The following RETREG1 variants were observed in gnomAD, a reference collection of about 807,000 sequenced individuals.
The protein encoded by RETREG1 is family with sequence similarity 134 member B.
In RETREG1, 44 loss-of-function variants were observed where a neutral mutation model predicts 54.8. The observed-to-expected ratio is 0.80, with a 90% CI of 0.63 to 1.03. The LOEUF (loss-of-function observed/expected upper bound fraction) is 1.03. Ranked by LOEUF, RETREG1 falls within the 50% of genes least tolerant of loss-of-function variation. The probability of loss-of-function intolerance (pLI) is 0.00; values close to 1 mark genes in which losing one functional copy is unlikely to be tolerated. For missense variants in RETREG1, 554 were observed against 605.1 expected (o/e 0.92, Z 0.89); for synonymous variants, 217 against 238.5 (o/e 0.91, Z 0.83).
chr5:16,523,533 T>C (rs1263538977), intron 3 of RETREG1, among the ~76,000 whole-genome samples: 2 of 152,078 alleles, frequency 1.3e-5, no homozygotes, highest in African/African-American at 4.8e-5. Flanking sequence ...GCTCACGATG[T>C]CCAAATGGCA....
intron 3 of RETREG1, among the ~76,000 whole-genome samples, chr5:16,492,868 T>C (rs1739304479): frequency 6.6e-6 from 1 of 152,198 alleles, no homozygotes; most frequent in Non-Finnish European, 1.5e-5. Flanking sequence ...ATAAGATTTG[T>C]CAACTAGAGG....
At chr5:16,523,144 T>A (rs406758) in intron 3 of RETREG1, among the ~76,000 whole-genome samples, 40,295 of 152,020 alleles carry the variant, frequency 0.27, 5,574 homozygotes, top group East Asian at 0.4. Context: ...TTCCCCCTGT[T>A]AATATTTTAC....
In RETREG1 at chr5:16,611,420, AC is replaced by A. The variant is rs369266738; in HGVS notation, c.320+5231del. On this transcript the variant is annotated intron_variant, in intron 1 of 8. Transcript: ENST00000306320. ...AATAAAAAAAAAAATCACATCAGAG[AC>A]GCTTTCTAGGCTGCAGATGTAACAT... Among the ~76,000 whole-genome samples the A allele has an allele frequency of 5.1e-3, 784 of 152,286 alleles. 3 individuals carry two copies. Among genetic ancestry groups the A allele is most frequent in the African/African-American group, 0.018 (737 of 41,556 alleles).
rs150070991 is a variant in RETREG1, at chr5:16,504,257, G to A, written c.459-20785C>T. Among the ~76,000 whole-genome samples, 804 of 152,272 alleles carry A rather than the reference G, an allele frequency of 5.3e-3. 9 individuals are homozygous for A. The highest frequency in any genetic ancestry group is 0.019 in the African/African-American group (770 of 41,550). ...TCTCATTTCTTTTTATGGCTGCATA[G>A]CATTCCATGGTGTATATGTACCACA... On this transcript the variant is annotated intron_variant, in intron 3 of 8. Coordinates refer to ENST00000306320, the MANE Select transcript of RETREG1 (RefSeq NM_001034850.3).
At chr5:16,514,934 T>G (rs561992591) in intron 3 of RETREG1, among the ~76,000 whole-genome samples, 97 of 147,860 alleles carry the variant, frequency 6.6e-4, no homozygotes, top group African/African-American at 2.3e-3. Flanking sequence ...TATAAATATA[T>G]GTGCATATAT....
At chr5:16,572,857 C>T (rs1316597945) in intron 1 of RETREG1, among the ~76,000 whole-genome samples, 1 of 152,054 alleles carries the variant, frequency 6.6e-6, no homozygotes, top group Non-Finnish European at 1.5e-5. Context: ...GCCCTATTCA[C>T]TTCTCTAACT....
chr5:16,529,162 C>G (rs1365266431), intron 3 of RETREG1, among the ~76,000 whole-genome samples: 1 of 152,168 alleles, frequency 6.6e-6, no homozygotes, highest in African/African-American at 2.4e-5. Flanking sequence ...GGGGTTCTAC[C>G]TTCCAAAATC....
At chr5:16,490,784 A>T (rs1339880640) in intron 3 of RETREG1, among the ~76,000 whole-genome samples, 1 of 152,222 alleles carries the variant, frequency 6.6e-6, no homozygotes, top group Non-Finnish European at 1.5e-5. Flanking sequence ...CACTCTCCGG[A>T]TTGGAACATG....
intron 3 of RETREG1, among the ~76,000 whole-genome samples, chr5:16,506,970 T>C (rs1468044445): frequency 6.6e-6 from 1 of 152,232 alleles, no homozygotes; most frequent in Non-Finnish European, 1.5e-5. Flanking sequence ...GTGTATAATA[T>C]ATGGTTATGT....
chr5:16,499,527 G>A lies in RETREG1; in HGVS notation c.459-16055C>T, dbSNP rs1042551979. On this transcript the variant is annotated intron_variant, in intron 3 of 8. Coordinates refer to ENST00000306320, the MANE Select transcript of RETREG1 (RefSeq NM_001034850.3). The stretch of plus-strand genomic sequence containing the variant: ...AGATTCTGCACCAATAGATGGCTTT[G>A]TTTTCTTTTCAAAATGAAGCACTTG... Among the ~76,000 whole-genome samples, 7 of 152,296 alleles carry A rather than the reference G, an allele frequency of 4.6e-5. No individual in the cohort carries two copies. The South Asian group carries it at 1.4e-3, about 32-fold the overall frequency.
At chr5:16,566,799 A>T (rs552867660) in intron 2 of RETREG1, among the ~76,000 whole-genome samples, 1 of 152,242 alleles carries the variant, frequency 6.6e-6, no homozygotes, top group Non-Finnish European at 1.5e-5. Context: ...TCTTTTGAAC[A>T]GTTTTGTGCT....
At chr5:16,528,686 C>T (rs1181817910) in intron 3 of RETREG1, among the ~76,000 whole-genome samples, 4 of 152,180 alleles carry the variant, frequency 2.6e-5, no homozygotes, top group Admixed American at 1.3e-4. Context: ...GATCCACTCA[C>T]GTGAACACTA....
Position 16,577,554 on chromosome 5 carries a change from A to G in RETREG1, c.321-5452T>C, listed in dbSNP as rs376151716. On this transcript the variant is annotated intron_variant, in intron 1 of 8. Coordinates refer to ENST00000306320, the MANE Select transcript of RETREG1 (RefSeq NM_001034850.3). ...ACACTGAGAGGTGGAGCTCGTCGGAAAGGCAGCATCAGTTCTTGAGTTCTT... is the reference window on the plus strand; with the variant it reads ...ACACTGAGAGGTGGAGCTCGTCGGAGAGGCAGCATCAGTTCTTGAGTTCTT... Among the ~76,000 whole-genome samples the G allele has an allele frequency of 5.3e-5, 8 of 152,050 alleles. No homozygotes were observed. The South Asian group carries it at 6.2e-4, about 12-fold the overall frequency.
chr5:16,557,790 T>C (rs1318553069), intron 3 of RETREG1, among the ~76,000 whole-genome samples: 3 of 152,220 alleles, frequency 2.0e-5, no homozygotes, highest in African/African-American at 7.2e-5. Context: ...ATAACGCGTA[T>C]GTCCAGCATA....
chr5:16,538,650 T>C (rs1741147271), intron 3 of RETREG1, among the ~76,000 whole-genome samples: 1 of 151,934 alleles, frequency 6.6e-6, no homozygotes, highest in East Asian at 1.9e-4. Flanking sequence ...ACCTTTCCAG[T>C]GGGGTCACAG....
intron 3 of RETREG1, among the ~76,000 whole-genome samples, chr5:16,557,533 G>T (rs954524662): frequency 3.9e-5 from 6 of 152,210 alleles, no homozygotes; most frequent in African/African-American, 1.4e-4. Context: ...CTCTGGCTAA[G>T]AGCTTGCTGT....
chr5:16,579,468 A>T (rs1451770756), intron 1 of RETREG1, among the ~76,000 whole-genome samples: 2 of 152,194 alleles, frequency 1.3e-5, no homozygotes, highest in East Asian at 3.8e-4. Context: ...ACCAATTTAC[A>T]GCCTTTTCTT....
At chr5:16,517,051 G>A (rs908120550) in intron 3 of RETREG1, among the ~76,000 whole-genome samples, 15 of 152,328 alleles carry the variant, frequency 9.8e-5, no homozygotes, top group African/African-American at 3.4e-4. Flanking sequence ...TAATCCCTAA[G>A]GAGCATGGGA....
chr5:16,490,866 G>A (rs1561085245), intron 3 of RETREG1, among the ~76,000 whole-genome samples: 1 of 152,188 alleles, frequency 6.6e-6, no homozygotes, highest in Non-Finnish European at 1.5e-5. Flanking sequence ...ATCCCTAAAT[G>A]CCAAGCTACA....
Sources: allele counts gnomAD v4.1 joint callset (sites outside exome capture counted in the v4.1 genomes callset), GRCh38; gene constraint gnomAD v4.1.1; transcripts MANE v1.5; gene names NCBI Gene and HGNC (gene_info 2026-07-23, HGNC 2026-07-21).